MYH2: variants seen among roughly 807,000 people sequenced by gnomAD.
MYH2 encodes myosin heavy chain 2.
MYH2 carries 139 observed loss-of-function variants against 228.1 expected under a neutral mutation model. That is an observed-to-expected ratio of 0.61 (90% confidence interval 0.53 to 0.70). The LOEUF (loss-of-function observed/expected upper bound fraction) is 0.70, where lower values mean the gene tolerates loss of function less well. Among genes scored for constraint, MYH2 ranks in the 30% least tolerant of loss-of-function variants. The pLI is 0.00. For synonymous variants in MYH2, 796 were observed against 871.1 expected, an observed-to-expected ratio of 0.91 and a Z score of 1.52; for missense variants, 1,809 against 2,357.5, an observed-to-expected ratio of 0.77 and a Z score of 4.82.
rs1253445633 is a variant in MYH2, at chr17:10,526,781, C to T, written c.4005G>A (p.Leu1335=). 6.2e-7 allele frequency: 1 copy of T among 1,614,240 alleles called. No individual in the cohort carries two copies. The highest frequency in any genetic ancestry group is 2.2e-5 in the East Asian group (1 of 44,882). The stretch of plus-strand genomic sequence containing the variant: ...GGCGGGAAGACTGCAGGGCATGCGC[C>T]AGGGCGTTCTTGGCCTATGGAGGCA... ...LEEEIKAKNA[L]AHALQSSRHD... The change falls in exon 30 of 40, where the codon CTG becomes CTA. Residue 1335 remains leucine, a synonymous_variant. Transcript: ENST00000245503.
Position 10,529,168 on chromosome 17 carries a change from T to A in MYH2, c.3348A>T (p.Glu1116Asp). ...LGIQLQKKIK[E>D]LQARIEELEE... The stretch of plus-strand genomic sequence containing the variant: ...ATGAAAATCATGTACTTACTTGCAA[T>A]TCTTTAATTTTCTTCTGCAATTGAA... Residue 1116 changes from glutamate to aspartate, a missense_variant, in exon 26 of 40, where the codon GAA (glutamate) becomes GAT (aspartate). By Grantham distance (45) the Glu-to-Asp change is conservative (BLOSUM62 2). This residue lies in a region of MYH2 where 636 missense variants were observed against 729.9 expected (regional missense o/e 0.87). Coordinates refer to ENST00000245503, the MANE Select transcript of MYH2 (RefSeq NM_017534.6). The A allele has an allele frequency of 6.2e-7, 1 of 1,614,222 alleles. No individual in the cohort carries two copies. Among genetic ancestry groups the A allele is most frequent in the Non-Finnish European group, 8.5e-7 (1 of 1,180,032 alleles).
At chr17:10,533,715 A>C in intron 19 of MYH2, 83 bp from the exon 20 acceptor site, 2 of 1,518,440 alleles carry the variant, frequency 1.3e-6, no homozygotes, top group African/African-American at 2.8e-5. Context: ...CATTTTTTAA[A>C]GCAGAGCTTT....
rs1340952127 is a variant in MYH2, at chr17:10,535,292, T to C, written c.2048A>G (p.Glu683Gly). The change falls in exon 18 of 40, where the codon GAG (glutamate) becomes GGG (glycine). Residue 683 changes from glutamate to glycine, a missense_variant. Glu to Gly is a moderately conservative substitution (Grantham distance 98, BLOSUM62 -2). This residue lies in a region of MYH2 where 276 missense variants were observed against 344.2 expected (regional missense o/e 0.80). Transcript: ENST00000245503. ...GAATTTCTTACCAGGAGTTTTTGTC[T>C]CATTGGGGATGATACACCTCACAAA... ...PHFVRCIIPNETKTPGAMEHE... is the reference protein window; with the variant it reads ...PHFVRCIIPNGTKTPGAMEHE... 3 of 1,614,000 alleles carry C rather than the reference T, an allele frequency of 1.9e-6. No individual in the cohort carries two copies. Among genetic ancestry groups the C allele is most frequent in the Non-Finnish European group, 2.5e-6 (3 of 1,180,022 alleles).
rs778183022 is a variant in MYH2 at position 10,529,554 on chromosome 17, C to A, written c.3117+10G>T. The A allele has an allele frequency of 2.5e-6, 4 of 1,614,150 alleles. No homozygotes were observed. Among genetic ancestry groups the A allele is most frequent in the Middle Eastern group, 1.6e-4 (1 of 6,062 alleles). On this transcript the variant is annotated intron_variant, in intron 24 of 39. Coordinates refer to ENST00000245503, the MANE Select transcript of MYH2 (RefSeq NM_017534.6). ...GAAGAAAAGAATGTCCTTGATGATA[C>A]CAGACTTACATCATCCACTTGTTGT...
intron 24 of MYH2, 36 bp from the exon 25 acceptor site, chr17:10,529,517 T>C (rs763474605): frequency 6.2e-7 from 1 of 1,614,210 alleles, no homozygotes; most frequent in South Asian, 1.1e-5. Flanking sequence ...AAGGAATGCT[T>C]ATCTTCCTTT....
Position 10,523,172 on chromosome 17 carries a change from C to A in MYH2, c.5591G>T (p.Arg1864Ile), listed in dbSNP as rs1404817376. 6.2e-7 allele frequency: 1 copy of A among 1,613,636 alleles called. No individual in the cohort carries two copies. Reference protein sequence around the residue: ...KELTYQTEEDRKNILRLQDLV... With the variant: ...KELTYQTEEDIKNILRLQDLV... ...ATCTTGAAGCCTGAGAATATTCTTT[C>A]TATCTTCTTCCGTCTGAAAGATTAT... Residue 1864 changes from arginine to isoleucine, a missense_variant, in exon 39 of 40, where the codon AGA (arginine) becomes ATA (isoleucine). Coordinates refer to ENST00000245503, the MANE Select transcript of MYH2 (RefSeq NM_017534.6).
In MYH2 at chr17:10,529,053, T is replaced by A; in HGVS notation, c.3381A>T (p.Glu1127Asp). 2 of 1,614,246 alleles carry A rather than the reference T, an allele frequency of 1.2e-6. No homozygotes were observed. Among genetic ancestry groups the A allele is most frequent in the Non-Finnish European group, 1.7e-6 (2 of 1,180,050 alleles). ...CCCGGGAGGCCCGCTCTGCCTCGAT[T>A]TCCTCCTCCAGCTCCTCAATGCGGG... ...LQARIEELEE[E>D]IEAERASRAK... The change falls in exon 27 of 40, where the codon GAA becomes GAT. Residue 1127 changes from glutamate to aspartate, a missense_variant. Physicochemically the swap from Glu to Asp is conservative, Grantham distance 45 (BLOSUM62 2). Transcript: ENST00000245503.
At chr17:10,543,273 T>A (rs1203167308) in intron 8 of MYH2, 112 bp from the exon 9 acceptor site, 1 of 823,844 alleles carries the variant, frequency 1.2e-6, no homozygotes, top group Non-Finnish European at 1.9e-6. Context: ...AGAGAGTATT[T>A]GCATCAGGTA....
chr17:10,546,151 A>G (rs1486961808), intron 4 of MYH2, among the ~76,000 whole-genome samples: 1 of 151,306 alleles, frequency 6.6e-6, no homozygotes, highest in East Asian at 1.9e-4. Flanking sequence ...ATCTTCTAAG[A>G]CAATTTGATG....
rs751050344 is a variant in MYH2 at position 10,533,329 on chromosome 17, T to G, written c.2397A>C (p.Arg799Ser). ...GGTACTCCACTCTTGCCAAGAACCCTCTGCACCTGGCCTGGGTTCGGGTAA... is the reference window on the plus strand; with the variant it reads ...GGTACTCCACTCTTGCCAAGAACCCGCTGCACCTGGCCTGGGTTCGGGTAA... The part of the protein sequence containing the change: ...QLITRTQARC[R>S]GFLARVEYQR... The change falls in exon 21 of 40, where the codon AGA (arginine) becomes AGC (serine). Residue 799 changes from arginine (R) to serine (S), a missense_variant. Arg to Ser is a moderately radical substitution (Grantham distance 110). Around this residue, in one of 9 missense-constraint regions of MYH2, gnomAD observed 276 missense variants for 344.2 expected, o/e 0.80. Transcript: ENST00000245503. 1.9e-6 allele frequency: 3 copies of G among 1,614,126 alleles called. No homozygotes were observed. The African/African-American group carries it at 4.0e-5, about 22-fold the overall frequency.
At chr17:10,545,325 C>A in intron 5 of MYH2, 21 bp downstream of exon 5, 1 of 1,612,724 alleles carries the variant, frequency 6.2e-7, no homozygotes, top group Non-Finnish European at 8.5e-7. Context: ...TACGCACTTG[C>A]AAAGCATTCG....
At chr17:10,548,328 ATGATATATGTGAAGATACT>A (rs2073660710) in intron 2 of MYH2, among the ~76,000 whole-genome samples, 1 of 152,224 alleles carries the variant, frequency 6.6e-6, no homozygotes, top group Admixed American at 6.5e-5. Flanking sequence ...TTCACAGCCC[ATGATATATGTGAAGATACT>A]TTGAAAAAGA....
In MYH2 at chr17:10,540,582, T is replaced by C; in HGVS notation, c.1008+12A>G. On this transcript the variant is annotated intron_variant, in intron 11 of 39. Transcript: ENST00000245503. ...CACCATAATAATTCCAATTTTCTTG[T>C]GTTCTACTTACATCTGTGGCCATCA... The C allele has an allele frequency of 6.3e-7, 1 of 1,583,732 alleles. No homozygotes were observed.
At chr17:10,534,172 A>G (rs1190649952) in intron 19 of MYH2, among the ~76,000 whole-genome samples, 1 of 152,162 alleles carries the variant, frequency 6.6e-6, no homozygotes, top group Non-Finnish European at 1.5e-5. Context: ...CTTTTCTTTG[A>G]TTCTCAAGAT....
chr17:10,523,702 T>G (rs760190729), intron 36 of MYH2, 36 bp from the exon 37 acceptor site: 1 of 1,614,196 alleles, frequency 6.2e-7, no homozygotes, highest in Non-Finnish European at 8.5e-7. Context: ...CCAAGAAAGT[T>G]ATAGATGTCA....
chr17:10,527,667 G>A, intron 28 of MYH2, 81 bp downstream of exon 28: 1 of 1,601,336 alleles, frequency 6.2e-7, no homozygotes, highest in Non-Finnish European at 8.5e-7. Context: ...GTTTTATTAG[G>A]CTCCCACTTC....
chr17:10,531,176 C>A (rs182797926), intron 22 of MYH2, among the ~76,000 whole-genome samples: 1 of 152,096 alleles, frequency 6.6e-6, no homozygotes, highest in Non-Finnish European at 1.5e-5. Flanking sequence ...CAATATCACA[C>A]GATAATTCAG....
chr17:10,526,226 G>C (rs1264753846), intron 30 of MYH2, among the ~76,000 whole-genome samples: 1 of 152,214 alleles, frequency 6.6e-6, no homozygotes. Flanking sequence ...TCCATGAAGA[G>C]ATATTTGAGT....
intron 25 of MYH2, 37 bp downstream of exon 25, chr17:10,529,299 T>C: frequency 6.2e-7 from 1 of 1,614,054 alleles, no homozygotes; most frequent in African/African-American, 1.3e-5. Flanking sequence ...GTATCTAATG[T>C]TGGAAGCAAA....
Sources: gnomAD v4.1 joint callset for allele counts (sites outside exome capture counted in the v4.1 genomes callset) on GRCh38, gnomAD v4.1.1 for gene constraint, gnomAD v4.1.1 regional missense constraint, MANE v1.5 for transcripts, NCBI Gene and HGNC (gene_info 2026-07-23, HGNC 2026-07-21) for gene names.